PPP2R2A: variants seen among roughly 807,000 people sequenced by gnomAD.
The protein encoded by PPP2R2A is protein phosphatase 2 regulatory subunit Balpha, also known as serine/threonine-protein phosphatase 2A 55 kDa regulatory subunit B alpha isoform.
PPP2R2A carries 9 observed loss-of-function variants against 53.2 expected under a neutral mutation model. The observed-to-expected ratio is 0.17, with a 90% CI of 0.10 to 0.30. PPP2R2A has a LOEUF of 0.30. Ranked by LOEUF, PPP2R2A falls within the 10% of genes least tolerant of loss-of-function variation. The probability of loss-of-function intolerance (pLI) is 1.00; values close to 1 mark genes in which losing one functional copy is unlikely to be tolerated. For missense variants in PPP2R2A, 235 were observed against 534.6 expected (o/e 0.44, Z 5.53); for synonymous variants, 169 against 174.2 (o/e 0.97, Z 0.23).
In PPP2R2A at chr8:26,298,342, C is replaced by T. The variant is rs192078900; in HGVS notation, c.82+4602C>T. ...CCTAAGAGCAGTTGTTCAACTCTTC[C>T]GCTGGGTTCCTTGGTGCTTCATTTC... On this transcript the variant is annotated intron_variant, in intron 2 of 9. Coordinates refer to ENST00000380737, the MANE Select transcript of PPP2R2A (RefSeq NM_002717.4). Among the ~76,000 whole-genome samples the T allele has an allele frequency of 1.1e-3, 170 of 152,314 alleles. 2 individuals are homozygous for T. Among genetic ancestry groups the T allele is most frequent in the Non-Finnish European group, 1.8e-3 (122 of 68,036 alleles).
At chr8:26,346,144 A>AT (rs1229622962) in intron 3 of PPP2R2A, among the ~76,000 whole-genome samples, 2 of 144,006 alleles carry the variant, frequency 1.4e-5, no homozygotes, top group Non-Finnish European at 3.1e-5. Flanking sequence ...TATTATTATT[A>AT]TTATTTATTT....
chr8:26,341,995 G>A (rs571728592), intron 3 of PPP2R2A, among the ~76,000 whole-genome samples: 24 of 152,078 alleles, frequency 1.6e-4, no homozygotes, highest in Admixed American at 1.6e-3. Context: ...TTCCCCAATC[G>A]TAATATAAAG....
chr8:26,366,159 G>A (rs890098351), intron 8 of PPP2R2A, 156 bp from the exon 9 acceptor site: 2 of 603,372 alleles, frequency 3.3e-6, no homozygotes, highest in African/African-American at 3.9e-5. Context: ...TTTGTAAAAG[G>A]ACAAAATGCC....
chr8:26,305,574 C>G (rs1801980947), intron 2 of PPP2R2A, among the ~76,000 whole-genome samples: 5 of 152,146 alleles, frequency 3.3e-5, no homozygotes. Flanking sequence ...CAACAGGTAT[C>G]TGTTGAGTTC....
intron 3 of PPP2R2A, among the ~76,000 whole-genome samples, chr8:26,346,226 C>T (rs185104225): frequency 2.6e-5 from 4 of 151,990 alleles, no homozygotes; most frequent in Non-Finnish European, 5.9e-5. Context: ...CTGCAACTTC[C>T]ACCACCCAGG....
chr8:26,355,719 T>C (rs1408719228), intron 4 of PPP2R2A, among the ~76,000 whole-genome samples: 1 of 151,776 alleles, frequency 6.6e-6, no homozygotes, highest in Non-Finnish European at 1.5e-5. Flanking sequence ...AAAAAAATTA[T>C]CCGGGTGTGG....
intron 2 of PPP2R2A, among the ~76,000 whole-genome samples, chr8:26,304,751 T>G (rs1040652064): frequency 1.3e-5 from 2 of 151,176 alleles, no homozygotes; most frequent in Non-Finnish European, 3.0e-5. Context: ...TCTGACCAAA[T>G]TTCTTATCAA....
chr8:26,327,504 G>A (rs957031581), intron 2 of PPP2R2A, among the ~76,000 whole-genome samples: 22 of 152,170 alleles, frequency 1.4e-4, no homozygotes, highest in Non-Finnish European at 2.4e-4. Flanking sequence ...TTTTCAGGGC[G>A]TTACAATAAA....
Position 26,354,168 on chromosome 8 carries a change from C to G in PPP2R2A, c.181-300C>G, listed in dbSNP as rs935458951. 2.0e-5 allele frequency among the ~76,000 whole-genome samples: 3 copies of G among 151,890 alleles called. No individual in the cohort carries two copies. The highest frequency in any genetic ancestry group is 7.3e-5 in the African/African-American group (3 of 41,342). ...TCAGTTTTTTTTCATCAGTTTTTTT[C>G]ATAGACTATACCATCAAATACATAA... On this transcript the variant is annotated intron_variant, in intron 3 of 9. Coordinates refer to ENST00000380737, the MANE Select transcript of PPP2R2A (RefSeq NM_002717.4). The surrounding 1 kb of genome is among the most constrained non-coding windows in gnomAD (Gnocchi z 4.6).
intron 2 of PPP2R2A, among the ~76,000 whole-genome samples, chr8:26,335,496 C>G (rs1276265850): frequency 1.3e-5 from 2 of 152,136 alleles, no homozygotes; most frequent in African/African-American, 2.4e-5. Context: ...AAGATCACAG[C>G]AAGGAGACCA....
chr8:26,310,302 CAG>C (rs926924074), intron 2 of PPP2R2A, among the ~76,000 whole-genome samples: 2 of 50,076 alleles, frequency 4.0e-5, no homozygotes, highest in Admixed American at 2.1e-4. Context: ...AAAAAAAACA[CAG>C]TGTCTATGAA....
intron 3 of PPP2R2A, chr8:26,350,576 TTCTC>T (rs1292761694): frequency 1.3e-5 from 2 of 152,094 alleles, no homozygotes; most frequent in African/African-American, 2.4e-5. Flanking sequence ...AATTTTTTTT[TTCTC>T]TCTCTCTTTT....
intron 2 of PPP2R2A, among the ~76,000 whole-genome samples, chr8:26,331,725 A>G (rs1803386676): frequency 6.6e-6 from 1 of 152,208 alleles, no homozygotes; most frequent in African/African-American, 2.4e-5. Flanking sequence ...TGCTCTTTAC[A>G]CAAATGCAGC....
intron 2 of PPP2R2A, among the ~76,000 whole-genome samples, chr8:26,337,411 C>T (rs1803720511): frequency 6.6e-6 from 1 of 152,156 alleles, no homozygotes; most frequent in Admixed American, 6.5e-5. Context: ...GAGCCTAACC[C>T]TCAGATTTGA....
chr8:26,338,509 A>G lies in PPP2R2A; in HGVS notation c.83-381A>G, dbSNP rs1263153644. 5.3e-5 allele frequency among the ~76,000 whole-genome samples: 8 copies of G among 152,356 alleles called. No individual in the cohort carries two copies. The highest frequency in any genetic ancestry group is 1.9e-4 in the African/African-American group (8 of 41,586). ...GTAATATGTGCCTTTATTATAGATG[A>G]TTATTTGCATTTGCATAAACAAGCT... On this transcript the variant is annotated intron_variant, in intron 2 of 9. Coordinates refer to ENST00000380737, the MANE Select transcript of PPP2R2A (RefSeq NM_002717.4). The surrounding 1 kb of genome is among the most constrained non-coding windows in gnomAD (Gnocchi z 4.5).
intron 2 of PPP2R2A, among the ~76,000 whole-genome samples, chr8:26,328,535 G>C (rs1026816386): frequency 6.6e-6 from 1 of 152,152 alleles, no homozygotes; most frequent in Admixed American, 6.6e-5. Flanking sequence ...TATGCAAATA[G>C]CTATCAAATA....
intron 2 of PPP2R2A, among the ~76,000 whole-genome samples, chr8:26,307,479 G>A (rs757418037): frequency 6.6e-6 from 1 of 152,188 alleles, no homozygotes; most frequent in Non-Finnish European, 1.5e-5. Context: ...CAGTAAACAC[G>A]TAGGCCTTTT....
At chr8:26,344,029 G>T (rs1804086412) in intron 3 of PPP2R2A, among the ~76,000 whole-genome samples, 2 of 152,056 alleles carry the variant, frequency 1.3e-5, no homozygotes, top group Admixed American at 6.5e-5. Flanking sequence ...CCAGCTGGGG[G>T]CCCAGGTACC....
rs992347273 is a variant in PPP2R2A at position 26,354,190 on chromosome 8, A to G, written c.181-278A>G. On this transcript the variant is annotated intron_variant, in intron 3 of 9. Coordinates refer to ENST00000380737, the MANE Select transcript of PPP2R2A (RefSeq NM_002717.4). This position sits in a 1 kb window ranked among gnomAD's most constrained non-coding sequence, Gnocchi z 4.6. ...TTTCATAGACTATACCATCAAATAC[A>G]TAAGAGTAAATTAGCAATCAAATTG... 2.6e-5 allele frequency among the ~76,000 whole-genome samples: 4 copies of G among 152,142 alleles called. No individual in the cohort carries two copies. Among genetic ancestry groups the G allele is most frequent in the African/African-American group, 7.2e-5 (3 of 41,424 alleles).
Sources: gnomAD v4.1 joint callset for allele counts (sites outside exome capture counted in the v4.1 genomes callset) on GRCh38, gnomAD v4.1.1 for gene constraint, Gnocchi (gnomAD v3.1) non-coding constraint, MANE v1.5 for transcripts, NCBI Gene and HGNC (gene_info 2026-07-23, HGNC 2026-07-21) for gene names.